PDE10A: variants seen among roughly 807,000 people sequenced by gnomAD.
The protein encoded by PDE10A is cAMP and cAMP-inhibited cGMP 3',5'-cyclic phosphodiesterase 10A.
Under a neutral mutation model 97.7 loss-of-function variants are expected in PDE10A, and 39 were observed. The ratio of observed to expected loss-of-function variants is 0.40; its 90% confidence interval spans 0.31 to 0.52. The LOEUF (loss-of-function observed/expected upper bound fraction) is 0.52. Among genes scored for constraint, PDE10A ranks in the 20% least tolerant of loss-of-function variants. The pLI, the probability that PDE10A is intolerant of heterozygous loss-of-function variation, is 0.56. For synonymous variants in PDE10A, 371 were observed against 376.8 expected (o/e 0.98, Z 0.18); for missense variants, 731 against 1,047.8 (o/e 0.70, Z 4.17).
At chr6:165,747,364 C>T (rs151067167) in intron 1 of PDE10A, among the ~76,000 whole-genome samples, 1 of 152,242 alleles carries the variant, frequency 6.6e-6, no homozygotes, top group Non-Finnish European at 1.5e-5. Flanking sequence ...GGTTTGTAAA[C>T]ACTGGTATGG....
At chr6:165,526,633 C>A (rs182066049) in intron 2 of PDE10A, among the ~76,000 whole-genome samples, 5 of 152,298 alleles carry the variant, frequency 3.3e-5, no homozygotes, top group Admixed American at 3.3e-4. Flanking sequence ...AGAAGTCAGA[C>A]GGATCTTGGA....
intron 1 of PDE10A, among the ~76,000 whole-genome samples, chr6:165,863,601 A>C (rs533880276): frequency 6.6e-6 from 1 of 152,292 alleles, no homozygotes; most frequent in African/African-American, 2.4e-5. Flanking sequence ...ACTTTTATAA[A>C]AGTTCCTTGG....
chr6:165,827,760 G>C (rs1043401028), intron 1 of PDE10A, among the ~76,000 whole-genome samples: 4 of 152,168 alleles, frequency 2.6e-5, no homozygotes, highest in African/African-American at 9.7e-5. Flanking sequence ...CGTCACCCAA[G>C]CAGTGCACGC....
At chr6:165,483,580 A>G (rs1434140515) in intron 2 of PDE10A, among the ~76,000 whole-genome samples, 5 of 152,232 alleles carry the variant, frequency 3.3e-5, no homozygotes, top group African/African-American at 1.2e-4. Context: ...AAATTTATTA[A>G]CAGATTCTAA....
intron 1 of PDE10A, among the ~76,000 whole-genome samples, chr6:165,549,033 G>A (rs982686332): frequency 1.3e-5 from 2 of 152,158 alleles, no homozygotes; most frequent in Admixed American, 1.3e-4. Flanking sequence ...GCCTCTTCAA[G>A]CAGGTTCAGT....
chr6:165,540,914 G>A (rs1376081423), intron 2 of PDE10A, among the ~76,000 whole-genome samples: 1 of 152,160 alleles, frequency 6.6e-6, no homozygotes, highest in Non-Finnish European at 1.5e-5. Flanking sequence ...ATAGGCATAA[G>A]TCACCACGCC....
rs181797815 is a variant in PDE10A at position 165,543,377 on chromosome 6, G to C, written c.994+63C>G. Reference sequence around the variant, plus strand: ...TTTCACACTCTAGAATATATTAAATGCTTAGTCTTTTGCCGTAAGATAGAA... The same window carrying C: ...TTTCACACTCTAGAATATATTAAATCCTTAGTCTTTTGCCGTAAGATAGAA... On this transcript the variant is annotated intron_variant, in intron 2 of 21. Coordinates refer to ENST00000539869, the MANE Select transcript of PDE10A (RefSeq NM_001385079.1). The C allele has an allele frequency of 1.6e-5, 23 of 1,404,986 alleles. No individual in the cohort carries two copies. In the East Asian group the frequency reaches 4.6e-4, roughly 28 times the overall value. 87.0% of individuals were successfully genotyped at this position (1,404,986 alleles called of 1,614,324 possible).
intron 1 of PDE10A, among the ~76,000 whole-genome samples, chr6:165,898,053 C>G (rs183025617): frequency 2.9e-4 from 44 of 150,704 alleles, no homozygotes; most frequent in African/African-American, 1.0e-3. Flanking sequence ...GTGGCAAGGG[C>G]TCCCCTCTGT....
chr6:165,878,925 G>A (rs996750938), intron 1 of PDE10A, among the ~76,000 whole-genome samples: 2 of 152,180 alleles, frequency 1.3e-5, no homozygotes, highest in Admixed American at 6.5e-5. Flanking sequence ...AAGGAAGATG[G>A]TCTGCTGACA....
At chr6:165,478,419 G>A (rs1322047703) in intron 3 of PDE10A, among the ~76,000 whole-genome samples, 2 of 152,046 alleles carry the variant, frequency 1.3e-5, no homozygotes, top group African/African-American at 2.4e-5. Flanking sequence ...GAGGGGGTTG[G>A]ACATGTCTCA....
intron 17 of PDE10A, among the ~76,000 whole-genome samples, chr6:165,384,679 G>GGC (rs1785171895): frequency 8.4e-6 from 1 of 118,398 alleles, no homozygotes; most frequent in African/African-American, 3.6e-5. Context: ...TATGGGGGGG[G>GGC]GCGACTAAAG....
At chr6:165,981,753 G>A (rs964368921) in intron 1 of PDE10A, among the ~76,000 whole-genome samples, 17 of 152,218 alleles carry the variant, frequency 1.1e-4, no homozygotes, top group African/African-American at 4.1e-4. Context: ...ATGCTTGTAT[G>A]ACTGTTTGTT....
At chr6:165,683,746 T>C (rs1189771293) in intron 1 of PDE10A, among the ~76,000 whole-genome samples, 1 of 152,178 alleles carries the variant, frequency 6.6e-6, no homozygotes, top group Non-Finnish European at 1.5e-5. Context: ...AGTGCAGCAG[T>C]GCAGGGCAGT....
At chr6:165,514,491 C>G (rs1781678677) in intron 2 of PDE10A, among the ~76,000 whole-genome samples, 1 of 152,180 alleles carries the variant, frequency 6.6e-6, no homozygotes, top group South Asian at 2.1e-4. Flanking sequence ...CACTAGGACC[C>G]TTTCCAAGGA....
Position 165,661,928 on chromosome 6 carries a change from C to T in PDE10A, c.865+19G>A. ...GAGGAGCCGCCCCACCTCCGGGGAA[C>T]GGGGAGCAGGCCACTTACTGGGGCT... On this transcript the variant is annotated intron_variant, in intron 1 of 21. Transcript: ENST00000539869. The surrounding 1 kb of genome is among the most constrained non-coding windows in gnomAD (Gnocchi z 4.8). The T allele has an allele frequency of 1.1e-6, 1 of 889,872 alleles. No individual in the cohort carries two copies. Among genetic ancestry groups the T allele is most frequent in the African/African-American group, 1.7e-5 (1 of 59,080 alleles). The allele number at this position is 889,872 out of a possible 1,614,324, so 55.1% of individuals were successfully genotyped here. A position where few individuals can be genotyped will look rare whatever the true frequency, so the allele number is the denominator to read the frequency against.
chr6:165,696,901 T>TA lies in PDE10A; in HGVS notation c.-614-153334dup, dbSNP rs570952961. On this transcript the variant is annotated intron_variant, in intron 1 of 19. Transcript: ENST00000366882. ...CAAGTACAAAGCACAATAACTAAAA[T>TA]AAAAAATTCAGCAGAAGGACTCATC... Among the ~76,000 whole-genome samples, 220 of 151,784 alleles carry TA rather than the reference T, an allele frequency of 1.4e-3. 1 individual carries two copies. The highest frequency in any genetic ancestry group is 5.1e-3 in the African/African-American group (212 of 41,380).
chr6:165,602,345 G>C (rs1291204937), intron 1 of PDE10A, among the ~76,000 whole-genome samples: 1 of 152,112 alleles, frequency 6.6e-6, no homozygotes, highest in Non-Finnish European at 1.5e-5. Flanking sequence ...ACCAGCCCGT[G>C]TGAGTGGACT....
rs79867274 is a variant in PDE10A, at chr6:165,885,653, G to C, written c.-615+101876C>G. On this transcript the variant is annotated intron_variant, in intron 1 of 19. Coordinates refer to the PDE10A transcript ENST00000366882. The stretch of plus-strand genomic sequence containing the variant: ...CTGAAGACAGCTCTGCTCAGCGCTG[G>C]CTGAAAGGTGGGAGAGGGAAGGCCT... Among the ~76,000 whole-genome samples the C allele has an allele frequency of 7.2e-3, 1,096 of 152,348 alleles. 3 individuals are homozygous for C. Among genetic ancestry groups the C allele is most frequent in the Non-Finnish European group, 0.011 (776 of 68,038 alleles).
At chr6:165,337,968 A>G (rs1781747951) in intron 20 of PDE10A, among the ~76,000 whole-genome samples, 1 of 152,248 alleles carries the variant, frequency 6.6e-6, no homozygotes, top group Non-Finnish European at 1.5e-5. Context: ...TCAAGATGGG[A>G]AAGAACTTCT....
Sources: allele counts gnomAD v4.1 joint callset (sites outside exome capture counted in the v4.1 genomes callset), GRCh38; gene constraint gnomAD v4.1.1; non-coding constraint Gnocchi (gnomAD v3.1); transcripts MANE v1.5; gene names NCBI Gene and HGNC (gene_info 2026-07-23, HGNC 2026-07-21).